Variants in DMD observed in about 807,000 individuals in gnomAD.
DMD encodes the protein mutant dystrophin.
Under a neutral mutation model 330.1 loss-of-function variants are expected in DMD, and 63 were observed. The ratio of observed to expected loss-of-function variants is 0.19; its 90% CI spans 0.16 to 0.24. The LOEUF is 0.24. Ranked by LOEUF, DMD falls within the 10% of genes least tolerant of loss-of-function variation. DMD has a pLI of 1.00. For synonymous variants in DMD, 1,223 were observed against 959.8 expected (o/e 1.27, Z -5.07); for missense variants, 3,344 against 2,684.1 (o/e 1.25, Z -5.43).
intron 7 of DMD, among the ~76,000 whole-genome samples, chrX:32,736,740 G>T (rs970193796): frequency 2.1e-5 from 2 of 96,836 alleles, no homozygotes; most frequent in African/African-American, 3.9e-5. Flanking sequence ...CACAGGAAGG[G>T]GAACACCACA....
chrX:32,565,769 G>A lies in DMD; in HGVS notation c.1925C>T (p.Ala642Val). ...KNKSVTQKTE[A>V]WLDNFARCWD... is the part of the protein sequence containing the mutation. Reference sequence around the variant, plus strand: ...ACACCGGGCAAAGTTATCCAGCCATGCTTCCGTCTTCTGGGTCACTGACTT... The same window carrying A: ...ACACCGGGCAAAGTTATCCAGCCATACTTCCGTCTTCTGGGTCACTGACTT... The change falls in exon 16 of 79, where the codon GCA (alanine) becomes GTA (valine). Residue 642 changes from alanine to valine, a missense_variant. By Grantham distance (64) the Ala-to-Val change is moderately conservative. Transcript: ENST00000357033. The A allele has an allele frequency of 8.3e-7, 1 of 1,211,599 alleles. No individual in the cohort carries two copies. Among genetic ancestry groups the A allele is most frequent in the East Asian group, 3.0e-5 (1 of 33,836 alleles).
At chrX:32,888,629 T>A (rs2084898822) in intron 2 of DMD, among the ~76,000 whole-genome samples, 1 of 111,532 alleles carries the variant, frequency 9.0e-6, no homozygotes, top group Non-Finnish European at 1.9e-5. Flanking sequence ...AAAATAGAAC[T>A]ACCATACAAT....
chrX:32,736,196 C>G (rs1314353641), intron 7 of DMD, among the ~76,000 whole-genome samples: 10 of 111,969 alleles, frequency 8.9e-5, no homozygotes, highest in Admixed American at 8.5e-4. Flanking sequence ...CAGAGAAATG[C>G]AAATCAAAAC....
intron 54 of DMD, among the ~76,000 whole-genome samples, chrX:31,646,820 G>A (rs1178002338): frequency 1.8e-5 from 2 of 112,032 alleles, no homozygotes; most frequent in Non-Finnish European, 3.8e-5. Flanking sequence ...CTGAAAATCT[G>A]ATGAGGCCGC....
intron 29 of DMD, among the ~76,000 whole-genome samples, chrX:32,424,895 C>A (rs1307100534): frequency 1.8e-5 from 2 of 110,948 alleles, no homozygotes; most frequent in African/African-American, 6.6e-5. Flanking sequence ...ATACTTCAGA[C>A]TAGAATCCTA....
Position 32,216,976 on chromosome X carries a change from A to G in DMD, c.6378T>C (p.Phe2126=). Residue 2126 remains phenylalanine (F), a synonymous_variant, in exon 44 of 79, where the codon TTT becomes TTC. Transcript: ENST00000357033. The part of the protein sequence containing the change: ...FNQWLTEAEQ[F]LRKTQIPENW... ...TCTCAGGAATTTGTGTCTTTCTGAGAAACTGTTCAGCTTCTGTTAGCCACT... is the reference window on the plus strand; with the variant it reads ...TCTCAGGAATTTGTGTCTTTCTGAGGAACTGTTCAGCTTCTGTTAGCCACT... The G allele has an allele frequency of 8.3e-7, 1 of 1,207,784 alleles. No homozygotes were observed. The highest frequency in any genetic ancestry group is 1.1e-6 in the Non-Finnish European group (1 of 892,176).
At chrX:32,808,891 A>G (rs910215994) in intron 7 of DMD, among the ~76,000 whole-genome samples, 1 of 111,908 alleles carries the variant, frequency 8.9e-6, no homozygotes, top group Non-Finnish European at 1.9e-5. Context: ...TACGTCTGGA[A>G]GGTATGACTA....
chrX:32,594,650 T>G (rs1322147365), intron 13 of DMD, among the ~76,000 whole-genome samples: 2 of 111,598 alleles, frequency 1.8e-5, no homozygotes, highest in Admixed American at 9.6e-5. Flanking sequence ...GTATTTGTGT[T>G]AAATTTTTTT....
At chrX:32,546,020 G>C (rs748299867) in intron 16 of DMD, among the ~76,000 whole-genome samples, 2 of 107,462 alleles carry the variant, frequency 1.9e-5, no homozygotes, top group Admixed American at 1.0e-4. Flanking sequence ...TTCATCACTG[G>C]AGACACTTCT....
chrX:32,352,529 T>C (rs754765844), intron 37 of DMD, among the ~76,000 whole-genome samples: 15 of 111,178 alleles, frequency 1.3e-4, no homozygotes, highest in African/African-American at 4.5e-4. Context: ...AATCTTAACA[T>C]GGAGTAGCCA....
At chrX:32,100,239 T>C (rs750418165) in intron 44 of DMD, among the ~76,000 whole-genome samples, 44 of 110,536 alleles carry the variant, frequency 4.0e-4, no homozygotes, top group African/African-American at 1.4e-3. Context: ...CCTTACATTA[T>C]CTTGAACATA....
intron 44 of DMD, among the ~76,000 whole-genome samples, chrX:32,114,966 C>G: frequency 8.9e-6 from 1 of 111,866 alleles, no homozygotes. Context: ...TTGCAAAACC[C>G]AATGGTCTAT....
chrX:33,010,556 CA>C (rs975466574), intron 2 of DMD, among the ~76,000 whole-genome samples: 1 of 110,148 alleles, frequency 9.1e-6, no homozygotes, highest in African/African-American at 3.3e-5. Flanking sequence ...AAGTATAATG[CA>C]AATATTCCAA....
intron 44 of DMD, among the ~76,000 whole-genome samples, chrX:32,142,255 C>A (rs1452201028): frequency 9.0e-6 from 1 of 111,635 alleles, no homozygotes; most frequent in African/African-American, 3.3e-5. Context: ...TTAAAACTTC[C>A]CACATCAAGG....
chrX:31,580,344 T>C (rs750853914), intron 55 of DMD, among the ~76,000 whole-genome samples: 57 of 111,869 alleles, frequency 5.1e-4, no homozygotes, highest in African/African-American at 1.7e-3. Context: ...CACCTCAGCC[T>C]TCACAAAAAG....
intron 44 of DMD, among the ~76,000 whole-genome samples, chrX:32,050,323 A>G (rs1260259945): frequency 1.8e-5 from 2 of 111,089 alleles, no homozygotes; most frequent in Non-Finnish European, 3.8e-5. Context: ...TGCTTTTAGG[A>G]AGTGTTGTGC....
At position 32,585,087 on chromosome X, in the gene DMD, C is replaced by T. The variant is rs1375731630; in HGVS notation, c.1602+10670G>A. On this transcript the variant is annotated intron_variant, in intron 13 of 78. Transcript: ENST00000357033. ...GGTCATTATGTTAAATAAGCAGGCA[C>T]AGAAAGACAAATACCACATGTTCTC... Among the ~76,000 whole-genome samples, 3 of 110,942 alleles carry T rather than the reference C, an allele frequency of 2.7e-5. No individual in the cohort carries two copies. In the Admixed American group the frequency reaches 2.9e-4, roughly 11 times the overall value.
intron 51 of DMD, among the ~76,000 whole-genome samples, chrX:31,744,778 A>G (rs1416497298): frequency 8.9e-6 from 1 of 112,460 alleles, no homozygotes; most frequent in South Asian, 3.6e-4. Flanking sequence ...ACAAGAGGCT[A>G]GAGTTGACAG....
intron 4 of DMD, among the ~76,000 whole-genome samples, chrX:32,831,235 A>G (rs1201503429): frequency 1.8e-5 from 2 of 110,865 alleles, no homozygotes; most frequent in Non-Finnish European, 3.8e-5. Context: ...CTTCAGGAAC[A>G]TGGATGTAAT....
Sources: allele counts gnomAD v4.1 joint callset (sites outside exome capture counted in the v4.1 genomes callset), GRCh38; gene constraint gnomAD v4.1.1; transcripts MANE v1.5; gene names NCBI Gene and HGNC (gene_info 2026-07-23, HGNC 2026-07-21).